ABHD12: variants seen among roughly 807,000 people sequenced by gnomAD.
ABHD12 encodes lysophosphatidylserine lipase ABHD12.
ABHD12 carries 43 observed loss-of-function variants against 58.3 expected under a neutral mutation model. That is an observed-to-expected ratio of 0.74 (90% CI 0.58 to 0.95). The LOEUF (loss-of-function observed/expected upper bound fraction) is 0.95. ABHD12 is among the 40% of genes least tolerant of loss of function. The probability of loss-of-function intolerance (pLI) is 0.00; values close to 1 mark genes in which losing one functional copy is unlikely to be tolerated. For missense variants in ABHD12, 539 were observed against 537.2 expected (o/e 1.00, Z -0.03); for synonymous variants, 219 against 211.2 (o/e 1.04, Z -0.32).
intron 1 of ABHD12, among the ~76,000 whole-genome samples, chr20:25,374,809 T>G (rs563206340): frequency 1.3e-5 from 2 of 152,258 alleles, no homozygotes; most frequent in East Asian, 3.9e-4. Flanking sequence ...CTACAGTGTT[T>G]TAATGTGCTT....
chr20:25,314,165 G>A lies in ABHD12; in HGVS notation c.619+760C>T, dbSNP rs1254473561. On this transcript the variant is annotated intron_variant, in intron 6 of 12. Transcript: ENST00000339157. ...TTTTTGTATTTTCAGTAGAGATGGG[G>A]TTTCACCATGTTGGCCAGGCTGGTC... Among the ~76,000 whole-genome samples, 5 of 152,068 alleles carry A rather than the reference G, an allele frequency of 3.3e-5. No individual in the cohort carries two copies. The East Asian group carries it at 9.7e-4, about 30-fold the overall frequency.
chr20:25,360,227 C>CTTTTT (rs576215687), intron 1 of ABHD12, among the ~76,000 whole-genome samples: 933 of 37,406 alleles, frequency 0.025, 326 homozygotes, highest in African/African-American at 0.042. Flanking sequence ...GAACACGTTA[C>CTTTTT]TTTTTTTTTT....
intron 1 of ABHD12, among the ~76,000 whole-genome samples, chr20:25,365,418 C>T (rs904262807): frequency 1.3e-5 from 2 of 152,226 alleles, no homozygotes; most frequent in South Asian, 2.1e-4. Flanking sequence ...CAAGAAATTT[C>T]TCCACATCAA....
intron 1 of ABHD12, among the ~76,000 whole-genome samples, chr20:25,355,559 T>C (rs1013307165): frequency 3.3e-5 from 5 of 152,176 alleles, no homozygotes; most frequent in African/African-American, 1.2e-4. Flanking sequence ...ACGGTTTTTT[T>C]TTTGTTGTTT....
At chr20:25,317,003 G>A (rs377100880) in intron 5 of ABHD12, 45 bp downstream of exon 5, 1 of 1,597,610 alleles carries the variant, frequency 6.3e-7, no homozygotes, top group Non-Finnish European at 8.6e-7. Flanking sequence ...TCCTGCCCTG[G>A]AAAGAACAGC....
intron 1 of ABHD12, among the ~76,000 whole-genome samples, chr20:25,359,931 A>G (rs2089722370): frequency 6.6e-6 from 1 of 152,108 alleles, no homozygotes; most frequent in Non-Finnish European, 1.5e-5. Context: ...TGTACGTTAA[A>G]AATATTTCCC....
chr20:25,356,213 T>C (rs2089666296), intron 1 of ABHD12, among the ~76,000 whole-genome samples: 1 of 152,242 alleles, frequency 6.6e-6, no homozygotes, highest in Non-Finnish European at 1.5e-5. Context: ...CAGACATTTA[T>C]GGTAGCTCCT....
intron 2 of ABHD12, among the ~76,000 whole-genome samples, chr20:25,331,465 A>G (rs1466875739): frequency 6.6e-6 from 1 of 152,140 alleles, no homozygotes; most frequent in East Asian, 1.9e-4. Context: ...CGCCACAAAG[A>G]TACTCCTCGA....
chr20:25,382,287 CT>C (rs1259071705), intron 1 of ABHD12, among the ~76,000 whole-genome samples: 1 of 151,972 alleles, frequency 6.6e-6, no homozygotes, highest in Non-Finnish European at 1.5e-5. Flanking sequence ...GGCATCCTGG[CT>C]CTTGGCCCCT....
chr20:25,323,534 C>T (rs1021848603), intron 2 of ABHD12, 104 bp from the exon 3 acceptor site: 29 of 766,914 alleles, frequency 3.8e-5, no homozygotes, highest in East Asian at 1.7e-4. Context: ...TGCATCCACA[C>T]GTGCACACAC....
intron 1 of ABHD12, among the ~76,000 whole-genome samples, chr20:25,353,264 GT>G (rs897264155): frequency 3.7e-4 from 51 of 136,646 alleles, no homozygotes; most frequent in African/African-American, 7.8e-4. Flanking sequence ...GTTTGTTTCT[GT>G]TTTTTTTTTT....
rs1041642469 is a variant in ABHD12 at position 25,294,810 on chromosome 20, A to C, written c.*163T>G. The C allele has an allele frequency of 6.6e-6, 5 of 752,694 alleles. No individual in the cohort carries two copies. In the East Asian group the frequency reaches 7.6e-5, roughly 11 times the overall value. The allele number at this position is 752,694 out of a possible 1,614,324, so 46.6% of individuals were successfully genotyped here. A position where few individuals can be genotyped will look rare whatever the true frequency, so the allele number is the denominator to read the frequency against. On this transcript the variant is annotated 3_prime_UTR_variant, in exon 13 of 13. Coordinates refer to the ABHD12 transcript ENST00000376542. ...CACATGGTATGGTTTATCTAGAGTT[A>C]CAGACTTTGTAAGGTTTGCAGCTCA...
At chr20:25,336,068 A>G (rs1223723003) in intron 2 of ABHD12, among the ~76,000 whole-genome samples, 1 of 152,170 alleles carries the variant, frequency 6.6e-6, no homozygotes, top group Non-Finnish European at 1.5e-5. Flanking sequence ...ACTAAGAGAT[A>G]CCTTCTTGAT....
rs183222617 is a variant in ABHD12, at chr20:25,309,174, G to A, written c.749+272C>T. Among the ~76,000 whole-genome samples the A allele has an allele frequency of 5.9e-5, 9 of 152,194 alleles. No individual in the cohort carries two copies. The East Asian group carries it at 1.4e-3, about 23-fold the overall frequency. The stretch of plus-strand genomic sequence containing the variant: ...TGTGCCCTCCCTCAGCTCTGAAGAC[G>A]CTTCTTCCTCAGAGCCAAGTCTCCC... On this transcript the variant is annotated intron_variant, in intron 7 of 12. Coordinates refer to ENST00000339157, the MANE Select transcript of ABHD12 (RefSeq NM_001042472.3).
At chr20:25,345,287 G>A (rs998692652) in intron 1 of ABHD12, among the ~76,000 whole-genome samples, 14 of 152,172 alleles carry the variant, frequency 9.2e-5, no homozygotes, top group Middle Eastern at 3.4e-3. Flanking sequence ...GGGTTTCACC[G>A]TGTTAGCTAG....
intron 1 of ABHD12, among the ~76,000 whole-genome samples, chr20:25,359,625 A>T (rs1192463587): frequency 6.6e-6 from 1 of 151,464 alleles, no homozygotes; most frequent in Non-Finnish European, 1.5e-5. Flanking sequence ...ACTGGAGTGC[A>T]GTGGTGCGAT....
chr20:25,384,667 C>G (rs1258349349), intron 1 of ABHD12, among the ~76,000 whole-genome samples: 1 of 152,074 alleles, frequency 6.6e-6, no homozygotes, highest in Non-Finnish European at 1.5e-5. Context: ...ACCATTTGAC[C>G]CTGAGAGGCA....
intron 1 of ABHD12, among the ~76,000 whole-genome samples, chr20:25,351,193 C>G (rs2089596535): frequency 6.6e-6 from 1 of 152,170 alleles, no homozygotes; most frequent in Non-Finnish European, 1.5e-5. Context: ...CCAACAGTGA[C>G]ATCATTGGAT....
intron 1 of ABHD12, among the ~76,000 whole-genome samples, chr20:25,340,908 G>A (rs1159996816): frequency 6.6e-6 from 1 of 152,168 alleles, no homozygotes; most frequent in Non-Finnish European, 1.5e-5. Flanking sequence ...ACCTTGATGT[G>A]GCTGTGGTCA....
Sources: allele counts gnomAD v4.1 joint callset (sites outside exome capture counted in the v4.1 genomes callset), GRCh38; gene constraint gnomAD v4.1.1; transcripts MANE v1.5; gene names NCBI Gene and HGNC (gene_info 2026-07-23, HGNC 2026-07-21).